The following ASCC3 variants were observed in gnomAD, a reference collection of about 807,000 sequenced individuals.
The protein encoded by ASCC3 is ASC-1 complex subunit P200.
In ASCC3, 158 loss-of-function variants were observed where a neutral mutation model predicts 256.3. That is an observed-to-expected ratio of 0.62 (90% CI 0.54 to 0.70). The LOEUF (loss-of-function observed/expected upper bound fraction) is 0.70. Ranked by LOEUF, ASCC3 falls within the 30% of genes least tolerant of loss-of-function variation. ASCC3 has a pLI of 0.00. For missense variants in ASCC3, 2,259 were observed against 2,626.0 expected (o/e 0.86, Z 3.05); for synonymous variants, 948 against 883.4 (o/e 1.07, Z -1.30).
chr6:100,514,533 T>TTA (rs1055933958), intron 39 of ASCC3, among the ~76,000 whole-genome samples: 1 of 152,092 alleles, frequency 6.6e-6, no homozygotes, highest in African/African-American at 2.4e-5. Flanking sequence ...TATCTGGCTT[T>TTA]TATATATATG....
intron 39 of ASCC3, 26 bp downstream of exon 39, chr6:100,516,154 T>G: frequency 6.2e-7 from 1 of 1,613,246 alleles, no homozygotes; most frequent in Non-Finnish European, 8.5e-7. Context: ...AGGGGAGCCT[T>G]CAAAACACTT....
intron 33 of ASCC3, among the ~76,000 whole-genome samples, chr6:100,603,404 G>T (rs1772727277): frequency 6.6e-6 from 1 of 151,960 alleles, no homozygotes; most frequent in Non-Finnish European, 1.5e-5. Flanking sequence ...TGCTTTTCTA[G>T]TCCCTTTCTT....
In ASCC3 at chr6:100,682,301, C is replaced by A. The variant is rs1448145239; in HGVS notation, c.2152-2549G>T. Among the ~76,000 whole-genome samples the A allele has an allele frequency of 2.0e-5, 3 of 152,244 alleles. No individual in the cohort carries two copies. The East Asian group carries it at 5.8e-4, about 29-fold the overall frequency. ...ATAAAACTGCCATGAAAACGAGAGACAACGCCCCTGCCCTCATGGAGATGA... is the reference window on the plus strand; with the variant it reads ...ATAAAACTGCCATGAAAACGAGAGAAAACGCCCCTGCCCTCATGGAGATGA... On this transcript the variant is annotated intron_variant, in intron 13 of 41. Coordinates refer to ENST00000369162, the MANE Select transcript of ASCC3 (RefSeq NM_006828.4).
At chr6:100,858,619 TATTA>T (rs1190004062) in intron 3 of ASCC3, 2 of 987,512 alleles carry the variant, frequency 2.0e-6, no homozygotes, top group Middle Eastern at 5.1e-4. Flanking sequence ...TTCTCATATT[TATTA>T]ATCCACTCAT....
chr6:100,554,610 C>A (rs549906346), intron 36 of ASCC3, among the ~76,000 whole-genome samples: 2 of 152,048 alleles, frequency 1.3e-5, no homozygotes, highest in African/African-American at 2.4e-5. Context: ...CATTCTGAGG[C>A]GTTAAAACAA....
chr6:100,633,375 T>C (rs1436968599), intron 25 of ASCC3, among the ~76,000 whole-genome samples: 2 of 152,018 alleles, frequency 1.3e-5, no homozygotes, highest in Non-Finnish European at 1.5e-5. Context: ...GCCCTTACAT[T>C]ACTTAGTAAT....
At chr6:100,646,248 A>AT (rs1775372972) in intron 22 of ASCC3, among the ~76,000 whole-genome samples, 1 of 152,106 alleles carries the variant, frequency 6.6e-6, no homozygotes, top group South Asian at 2.1e-4. Flanking sequence ...TCGTTGACAT[A>AT]TTACTAATAT....
chr6:100,817,731 T>C (rs1262451251), intron 4 of ASCC3, among the ~76,000 whole-genome samples: 2 of 152,058 alleles, frequency 1.3e-5, no homozygotes, highest in African/African-American at 2.4e-5. Flanking sequence ...CAAGAAGTAA[T>C]AGATAATCTG....
At chr6:100,509,819 C>A (rs997113435) in intron 41 of ASCC3, 113 bp downstream of exon 41, 2 of 1,091,774 alleles carry the variant, frequency 1.8e-6, no homozygotes, top group South Asian at 1.4e-5. Flanking sequence ...ACCCGGGAGG[C>A]GGAGCTTGCA....
chr6:100,579,564 C>A (rs6931919), intron 36 of ASCC3, among the ~76,000 whole-genome samples: 138,856 of 152,146 alleles, frequency 0.91, 63,566 homozygotes, highest in Non-Finnish European at 0.95. Flanking sequence ...GCATAGGGCT[C>A]GGCAATTATC....
chr6:100,721,949 G>A (rs934936814), intron 11 of ASCC3, among the ~76,000 whole-genome samples: 1 of 151,644 alleles, frequency 6.6e-6, no homozygotes, highest in East Asian at 1.9e-4. Flanking sequence ...TTTCTTGTAG[G>A]ATTTTTATTG....
chr6:100,727,937 T>C (rs922268791), intron 10 of ASCC3, among the ~76,000 whole-genome samples: 4 of 152,110 alleles, frequency 2.6e-5, no homozygotes, highest in Non-Finnish European at 4.4e-5. Context: ...ACACAGTGTA[T>C]CTCTTCTATT....
chr6:100,619,130 A>G (rs576975861), intron 30 of ASCC3, among the ~76,000 whole-genome samples: 1 of 152,338 alleles, frequency 6.6e-6, no homozygotes, highest in South Asian at 2.1e-4. Flanking sequence ...TTGCCAGAAT[A>G]TATGGTTCCA....
Position 100,643,910 on chromosome 6 carries a change from A to G in ASCC3, c.3732+121T>C, listed in dbSNP as rs1408288666. On this transcript the variant is annotated intron_variant, in intron 23 of 41. Transcript: ENST00000369162. ...TGTATTCTTTTAAAACTAATAGGAA[A>G]CTAAAACATAAAATAAAGTTTTAAT... 2.2e-5 allele frequency: 15 copies of G among 675,914 alleles called. No individual in the cohort carries two copies. In the Admixed American group the frequency reaches 4.1e-4, roughly 18 times the overall value. The allele number at this position is 675,914 out of a possible 1,614,324, so 41.9% of individuals were successfully genotyped here. A position where few individuals can be genotyped will look rare whatever the true frequency, so the allele number is the denominator to read the frequency against.
At chr6:100,879,475 T>G (rs937262186) in intron 1 of ASCC3, among the ~76,000 whole-genome samples, 4 of 152,132 alleles carry the variant, frequency 2.6e-5, no homozygotes, top group African/African-American at 9.7e-5. Context: ...GCCAGCTAGC[T>G]AAGACAAAAT....
rs1183786226 is a variant in ASCC3, at chr6:100,608,377, A to ATG, written c.4786-1290_4786-1289insCA. Among the ~76,000 whole-genome samples, 4 of 83,920 alleles carry ATG rather than the reference A, an allele frequency of 4.8e-5. 1 individual carries two copies. Among genetic ancestry groups the ATG allele is most frequent in the African/African-American group, 9.8e-5 (2 of 20,330 alleles). The allele number at this position is 83,920 out of a possible 152,430, so 55.1% of individuals were successfully genotyped here. A position where few individuals can be genotyped will look rare whatever the true frequency, so the allele number is the denominator to read the frequency against. On this transcript the variant is annotated intron_variant, in intron 30 of 41. Transcript: ENST00000369162. ...TACCTTATATATGTATACCTTATAT[A>ATG]TATACCTTATATATGTATACCTTAT...
chr6:100,772,515 T>C (rs572677095), intron 8 of ASCC3, among the ~76,000 whole-genome samples: 33 of 152,224 alleles, frequency 2.2e-4, no homozygotes, highest in Non-Finnish European at 3.7e-4. Context: ...ACAACATAGA[T>C]GAGTTAGACA....
intron 37 of ASCC3, among the ~76,000 whole-genome samples, chr6:100,522,134 T>A (rs1381694681): frequency 1.3e-5 from 2 of 152,118 alleles, no homozygotes; most frequent in Non-Finnish European, 2.9e-5. Context: ...TTACCTCTTA[T>A]CCACTTTCTA....
At chr6:100,798,951 G>A in intron 7 of ASCC3, 113 bp from the exon 8 acceptor site, 1 of 968,540 alleles carries the variant, frequency 1.0e-6, no homozygotes, top group Non-Finnish European at 1.5e-6. Context: ...CAAAGCACTG[G>A]TAAATAAACT....
Sources: gnomAD v4.1 joint callset for allele counts (sites outside exome capture counted in the v4.1 genomes callset) on GRCh38, gnomAD v4.1.1 for gene constraint, MANE v1.5 for transcripts, NCBI Gene and HGNC (gene_info 2026-07-23, HGNC 2026-07-21) for gene names.